ERC2: variants seen among roughly 807,000 people sequenced by gnomAD.
The protein encoded by ERC2 is ELKS/RAB6-interacting/CAST family member 2.
In ERC2, 42 loss-of-function variants were observed where a neutral mutation model predicts 114.8. The ratio of observed to expected loss-of-function variants is 0.37; its 90% CI spans 0.29 to 0.47. The LOEUF (loss-of-function observed/expected upper bound fraction) is 0.47. Among genes scored for constraint, ERC2 ranks in the 20% least tolerant of loss-of-function variants. The pLI is 0.99. For missense variants in ERC2, 939 were observed against 1,150.7 expected (o/e 0.82, Z 2.66); for synonymous variants, 454 against 425.5 (o/e 1.07, Z -0.82).
intron 7 of ERC2, among the ~76,000 whole-genome samples, chr3:56,034,828 T>G (rs910387206): frequency 6.6e-5 from 10 of 151,904 alleles, no homozygotes; most frequent in African/African-American, 2.2e-4. Context: ...AAAAGCAGTT[T>G]TAAAAGGGAA....
chr3:56,450,483 T>C (rs1267195321), intron 1 of ERC2, among the ~76,000 whole-genome samples: 1 of 152,218 alleles, frequency 6.6e-6, no homozygotes, highest in African/African-American at 2.4e-5. Flanking sequence ...AAAATTTTGT[T>C]AAAGTAATAA....
At chr3:56,352,626 A>C (rs1186808302) in intron 2 of ERC2, among the ~76,000 whole-genome samples, 1 of 152,208 alleles carries the variant, frequency 6.6e-6, no homozygotes, top group African/African-American at 2.4e-5. Context: ...ACAACACACA[A>C]ATATTTATTT....
In ERC2 at chr3:55,887,951, A is replaced by C. The variant is rs148374488; in HGVS notation, c.2564+438T>G. The stretch of plus-strand genomic sequence containing the variant: ...TGAGACTCTGTGAGAGTCAACACAA[A>C]CCAGGCATTGTGCACAAGTGAGAAG... On this transcript the variant is annotated intron_variant, in intron 14 of 17. Transcript: ENST00000288221. 2.0e-5 allele frequency among the ~76,000 whole-genome samples: 3 copies of C among 152,370 alleles called. No homozygotes were observed. The East Asian group carries it at 5.8e-4, about 29-fold the overall frequency.
intron 10 of ERC2, among the ~76,000 whole-genome samples, chr3:55,992,528 CA>C (rs2071162433): frequency 6.6e-6 from 1 of 151,894 alleles, no homozygotes; most frequent in Non-Finnish European, 1.5e-5. Context: ...TTCTTTCCAC[CA>C]AAAAGTAGGG....
chr3:56,127,749 T>C (rs992201765), intron 6 of ERC2, among the ~76,000 whole-genome samples: 12 of 146,754 alleles, frequency 8.2e-5, no homozygotes, highest in East Asian at 3.9e-4. Flanking sequence ...AAAACCAGCA[T>C]AGTATTGGCA....
chr3:56,064,179 C>A (rs943426561), intron 7 of ERC2, among the ~76,000 whole-genome samples: 4 of 152,160 alleles, frequency 2.6e-5, no homozygotes, highest in Admixed American at 1.3e-4. Context: ...CCCCTGACTA[C>A]CTGACATTTC....
At chr3:56,197,616 C>A (rs1009347492) in intron 3 of ERC2, among the ~76,000 whole-genome samples, 1 of 152,206 alleles carries the variant, frequency 6.6e-6, no homozygotes, top group Admixed American at 6.5e-5. Context: ...CATGAAACAA[C>A]TCCTCCACTT....
At chr3:55,790,349 T>C (rs2069893239) in intron 14 of ERC2, among the ~76,000 whole-genome samples, 1 of 152,156 alleles carries the variant, frequency 6.6e-6, no homozygotes, top group Admixed American at 6.5e-5. Flanking sequence ...GCCCCTCTAT[T>C]CTCCTGTAGC....
chr3:56,009,497 T>C (rs2072751160), intron 9 of ERC2, among the ~76,000 whole-genome samples: 1 of 152,220 alleles, frequency 6.6e-6, no homozygotes, highest in African/African-American at 2.4e-5. Context: ...TGTGTGGAAT[T>C]ATCAGTACCA....
chr3:55,672,873 A>G (rs2061622463), intron 17 of ERC2, among the ~76,000 whole-genome samples: 1 of 152,168 alleles, frequency 6.6e-6, no homozygotes, highest in African/African-American at 2.4e-5. Context: ...AGTCTCTTGC[A>G]TGGAGTCAGG....
At chr3:55,910,468 A>G (rs1444466200) in intron 13 of ERC2, among the ~76,000 whole-genome samples, 1 of 152,196 alleles carries the variant, frequency 6.6e-6, no homozygotes, top group Non-Finnish European at 1.5e-5. Flanking sequence ...ATGTGTGTAT[A>G]TATGTATATA....
chr3:55,788,275 CAG>C (rs1431713758), intron 14 of ERC2, among the ~76,000 whole-genome samples: 1 of 152,178 alleles, frequency 6.6e-6, no homozygotes, highest in Admixed American at 6.5e-5. Context: ...CTGATAATCT[CAG>C]AGTTCTTTAA....
intron 2 of ERC2, among the ~76,000 whole-genome samples, chr3:56,316,572 T>C (rs2056872846): frequency 6.6e-6 from 1 of 152,158 alleles, no homozygotes; most frequent in South Asian, 2.1e-4. Context: ...AAAATGGAGA[T>C]GATACAGTTG....
At chr3:56,468,027 G>C (rs1368374479) in intron 1 of ERC2, among the ~76,000 whole-genome samples, 2 of 152,076 alleles carry the variant, frequency 1.3e-5, no homozygotes, top group African/African-American at 4.8e-5. Context: ...GTTCCAATCC[G>C]GGGGTTTATA....
In ERC2 at chr3:56,296,397, C is replaced by T. The variant is rs1354854695; in HGVS notation, c.696G>A (p.Leu232=). 6.2e-7 allele frequency: 1 copy of T among 1,613,894 alleles called. No individual in the cohort carries two copies. Among genetic ancestry groups the T allele is most frequent in the Non-Finnish European group, 8.5e-7 (1 of 1,179,836 alleles). ...GGTGGTTGAGGTCTCTCTGGGTTCG[C>T]AGCTCATCTTGAAGGGCCTGGATTG... The part of the protein sequence containing the change: ...QLTIQALQDE[L]RTQRDLNHLL... The change falls in exon 3 of 18, where the codon CTG becomes CTA. Residue 232 remains leucine (L), a synonymous_variant. Coordinates refer to ENST00000288221, the MANE Select transcript of ERC2 (RefSeq NM_015576.3).
intron 4 of ERC2, among the ~76,000 whole-genome samples, chr3:56,151,236 C>A (rs79987842): frequency 6.6e-6 from 1 of 151,958 alleles, no homozygotes; most frequent in Non-Finnish European, 1.5e-5. Context: ...ACAACTAATT[C>A]TTGTATTTTT....
rs369380732 is a variant in ERC2, at chr3:56,297,445, C to G, written c.658-1010G>C. Among the ~76,000 whole-genome samples the G allele has an allele frequency of 8.9e-4, 135 of 152,278 alleles. 1 individual carries two copies. In the South Asian group the frequency reaches 0.028, roughly 31 times the overall value. On this transcript the variant is annotated intron_variant, in intron 2 of 17. Coordinates refer to ENST00000288221, the MANE Select transcript of ERC2 (RefSeq NM_015576.3). Reference sequence around the variant, plus strand: ...TGTTATTTTGGGTCACCATTTTAAGCAAAGTCAGAGTGAAAGCACCAGAGA... The same window carrying G: ...TGTTATTTTGGGTCACCATTTTAAGGAAAGTCAGAGTGAAAGCACCAGAGA...
intron 14 of ERC2, among the ~76,000 whole-genome samples, chr3:55,739,930 T>A (rs2148936661): frequency 6.6e-6 from 1 of 152,324 alleles, no homozygotes; most frequent in Non-Finnish European, 1.5e-5. Context: ...AATTAATTTT[T>A]GTACAAGGTG....
intron 4 of ERC2, among the ~76,000 whole-genome samples, chr3:56,166,781 C>A (rs373053757): frequency 5.3e-4 from 80 of 152,112 alleles, no homozygotes; most frequent in African/African-American, 1.8e-3. Context: ...GCTGTCTCTA[C>A]TCTTCTTGCT....
Sources: allele counts gnomAD v4.1 joint callset (sites outside exome capture counted in the v4.1 genomes callset), GRCh38; gene constraint gnomAD v4.1.1; transcripts MANE v1.5; gene names NCBI Gene and HGNC (gene_info 2026-07-23, HGNC 2026-07-21).